The following ERC2 variants were observed in gnomAD, a reference collection of about 807,000 sequenced individuals.
ERC2 encodes the protein ELKS/RAB6-interacting/CAST family member 2.
ERC2 carries 42 observed loss-of-function variants against 114.8 expected under a neutral mutation model. The ratio of observed to expected loss-of-function variants is 0.37; its 90% CI spans 0.29 to 0.47. The LOEUF (loss-of-function observed/expected upper bound fraction) is 0.47, where lower values mean the gene tolerates loss of function less well. ERC2 is among the 20% of genes least tolerant of loss of function. The pLI is 0.99. For missense variants in ERC2, 939 were observed against 1,150.7 expected (o/e 0.82, Z 2.66); for synonymous variants, 454 against 425.5 (o/e 1.07, Z -0.82).
intron 17 of ERC2, among the ~76,000 whole-genome samples, chr3:55,656,718 G>A (rs1008409618): frequency 6.6e-6 from 1 of 152,200 alleles, no homozygotes; most frequent in Non-Finnish European, 1.5e-5. Flanking sequence ...AGTCACAGGG[G>A]AAACCAAGTT....
At chr3:56,293,779 A>T (rs2055246413) in intron 3 of ERC2, among the ~76,000 whole-genome samples, 1 of 152,146 alleles carries the variant, frequency 6.6e-6, no homozygotes, top group African/African-American at 2.4e-5. Flanking sequence ...CATGATCTAT[A>T]TCCACACCAG....
chr3:55,813,081 G>A (rs1265978006), intron 14 of ERC2, among the ~76,000 whole-genome samples: 2 of 152,156 alleles, frequency 1.3e-5, no homozygotes, highest in Non-Finnish European at 2.9e-5. Context: ...TTAAGAAACC[G>A]AAGCACAGAA....
chr3:56,047,504 A>G (rs931196111), intron 7 of ERC2, among the ~76,000 whole-genome samples: 12 of 152,238 alleles, frequency 7.9e-5, no homozygotes, highest in Non-Finnish European at 1.6e-4. Flanking sequence ...ACTAATAATT[A>G]GTTAAAATGT....
intron 3 of ERC2, among the ~76,000 whole-genome samples, chr3:56,249,861 T>TA (rs1328234209): frequency 3.4e-5 from 5 of 145,402 alleles, no homozygotes; most frequent in South Asian, 4.6e-4. Flanking sequence ...ATTTCTTTTT[T>TA]TTTTTTTTTT....
rs140552096 is a variant in ERC2 at position 55,658,800 on chromosome 3, C to T, written c.*39+24994G>A. ...GGAAATAGCAGCCACAGATGTTTAACTAAGCAAGTACTACCAGGCCCCAGG... is the reference window on the plus strand; with the variant it reads ...GGAAATAGCAGCCACAGATGTTTAATTAAGCAAGTACTACCAGGCCCCAGG... On this transcript the variant is annotated intron_variant, in intron 17 of 17. Transcript: ENST00000288221. 566 of 152,816 alleles carry T rather than the reference C, an allele frequency of 3.7e-3. 2 individuals are homozygous for T. The highest frequency in any genetic ancestry group is 0.012 in the South Asian group (57 of 4,822). 9.5% of individuals were successfully genotyped at this position (152,816 alleles called of 1,614,324 possible).
At chr3:56,118,925 T>A (rs2079416685) in intron 6 of ERC2, among the ~76,000 whole-genome samples, 1 of 152,162 alleles carries the variant, frequency 6.6e-6, no homozygotes, top group African/African-American at 2.4e-5. Context: ...CTCGAGCCAC[T>A]GTGCCCGGCC....
rs563001426 is a variant in ERC2 at position 55,666,536 on chromosome 3, T to C, written c.*39+17258A>G. Among the ~76,000 whole-genome samples, 10 of 152,206 alleles carry C rather than the reference T, an allele frequency of 6.6e-5. No individual in the cohort carries two copies. In the South Asian group the frequency reaches 1.5e-3, roughly 22 times the overall value. ...CAAAGTCAAATCCAGGAATGACATG[T>C]AGGGGAAAAGCAGTGGTTCCCAACC... is the stretch of plus-strand genomic sequence containing the variant. On this transcript the variant is annotated intron_variant, in intron 17 of 17. Coordinates refer to ENST00000288221, the MANE Select transcript of ERC2 (RefSeq NM_015576.3).
chr3:55,960,292 T>C (rs2068270151), intron 12 of ERC2, among the ~76,000 whole-genome samples: 1 of 152,188 alleles, frequency 6.6e-6, no homozygotes, highest in South Asian at 2.1e-4. Flanking sequence ...ATCCTCACCG[T>C]TAGCCCCAGA....
chr3:55,691,826 T>C (rs1310303168), intron 16 of ERC2, among the ~76,000 whole-genome samples: 2 of 151,960 alleles, frequency 1.3e-5, no homozygotes, highest in Non-Finnish European at 2.9e-5. Flanking sequence ...CACATACATA[T>C]ATATGTATAT....
intron 14 of ERC2, among the ~76,000 whole-genome samples, chr3:55,853,251 G>A (rs977329099): frequency 4.6e-5 from 7 of 152,200 alleles, no homozygotes; most frequent in Admixed American, 2.0e-4. Context: ...AGGAGGCTGG[G>A]TGTGGTGGCT....
At chr3:56,262,872 C>T (rs1369861169) in intron 3 of ERC2, among the ~76,000 whole-genome samples, 3 of 152,168 alleles carry the variant, frequency 2.0e-5, no homozygotes, top group African/African-American at 7.2e-5. Context: ...GTAATGAATT[C>T]CCTGTAACAA....
intron 14 of ERC2, among the ~76,000 whole-genome samples, chr3:55,739,048 A>G (rs1412516590): frequency 6.6e-6 from 1 of 152,112 alleles, no homozygotes; most frequent in East Asian, 1.9e-4. Flanking sequence ...GCTGAGAATG[A>G]TGGTTTCCAG....
At chr3:55,571,610 G>C (rs1281295863) in intron 17 of ERC2, among the ~76,000 whole-genome samples, 1 of 152,140 alleles carries the variant, frequency 6.6e-6, no homozygotes, top group African/African-American at 2.4e-5. Context: ...CCACAACAAA[G>C]GCTCTTGCCC....
chr3:55,915,834 C>G (rs1430395242), intron 13 of ERC2, among the ~76,000 whole-genome samples: 1 of 152,050 alleles, frequency 6.6e-6, no homozygotes, highest in Non-Finnish European at 1.5e-5. Flanking sequence ...TTGTAGAGAG[C>G]AAGAATTCTG....
chr3:55,991,938 A>T, intron 11 of ERC2, 119 bp downstream of exon 11: 1 of 864,682 alleles, frequency 1.2e-6, no homozygotes, highest in Non-Finnish European at 1.8e-6. Context: ...TTCCTCATTT[A>T]TGACTTGTTT....
At chr3:56,073,476 T>C (rs2149737098) in intron 7 of ERC2, among the ~76,000 whole-genome samples, 1 of 152,062 alleles carries the variant, frequency 6.6e-6, no homozygotes, top group East Asian at 1.9e-4. Flanking sequence ...AGTAGGGAGG[T>C]TCTAAGCCTC....
At chr3:55,889,132 A>T (rs2063493494) in intron 13 of ERC2, among the ~76,000 whole-genome samples, 1 of 152,162 alleles carries the variant, frequency 6.6e-6, no homozygotes, top group Non-Finnish European at 1.5e-5. Flanking sequence ...GGAAGGCAAC[A>T]CTCAAATGCA....
At chr3:56,319,883 A>G (rs547839190) in intron 2 of ERC2, among the ~76,000 whole-genome samples, 2 of 152,340 alleles carry the variant, frequency 1.3e-5, no homozygotes, top group South Asian at 4.1e-4. Context: ...AGAATCCCAG[A>G]GATCAAACAA....
At chr3:56,328,233 T>C (rs1038201942) in intron 2 of ERC2, among the ~76,000 whole-genome samples, 7 of 152,204 alleles carry the variant, frequency 4.6e-5, no homozygotes, top group Non-Finnish European at 8.8e-5. Context: ...TCAGCTGGAA[T>C]GTCCCCTCCC....
Sources: allele counts gnomAD v4.1 joint callset (sites outside exome capture counted in the v4.1 genomes callset), GRCh38; gene constraint gnomAD v4.1.1; transcripts MANE v1.5; gene names NCBI Gene and HGNC (gene_info 2026-07-23, HGNC 2026-07-21).